Variants in WDR43 observed in about 807,000 individuals in gnomAD.
WDR43 encodes WD repeat-containing protein 43.
Under a neutral mutation model 91.4 loss-of-function variants are expected in WDR43, and 13 were observed. That is an observed-to-expected ratio of 0.14 (90% CI 0.09 to 0.23). The LOEUF is 0.23. WDR43 is among the 10% of genes least tolerant of loss of function. WDR43 has a pLI of 1.00. For missense variants in WDR43, 780 were observed against 809.4 expected, an observed-to-expected ratio of 0.96 and a Z score of 0.44; for synonymous variants, 331 against 287.9, an observed-to-expected ratio of 1.15 and a Z score of -1.51.
intron 11 of WDR43, among the ~76,000 whole-genome samples, chr2:28,932,787 T>A (rs1291032900): frequency 1.3e-5 from 2 of 152,230 alleles, no homozygotes; most frequent in Admixed American, 1.3e-4. Context: ...TGAATTAGTG[T>A]GTAGCTTATG....
chr2:28,926,064 G>T (rs1184887913), intron 8 of WDR43, among the ~76,000 whole-genome samples: 1 of 152,202 alleles, frequency 6.6e-6, no homozygotes, highest in Non-Finnish European at 1.5e-5. Context: ...CTTGCTTATG[G>T]AAAGGACAAT....
Position 28,946,912 on chromosome 2 carries a change from T to A in WDR43, c.*133T>A. The A allele has an allele frequency of 1.9e-6, 2 of 1,057,844 alleles. No individual in the cohort carries two copies. The highest frequency in any genetic ancestry group is 2.6e-6 in the Non-Finnish European group (2 of 755,370). The allele number at this position is 1,057,844 out of a possible 1,614,324, so 65.5% of individuals were successfully genotyped here. On this transcript the variant is annotated 3_prime_UTR_variant, in exon 18 of 18. Transcript: ENST00000407426. Reference sequence around the variant, plus strand: ...TCACAGCAGTGGATCCCATGCCACTTTGCTGTCCTGAGCACCCCAGACTTG... The same window carrying A: ...TCACAGCAGTGGATCCCATGCCACTATGCTGTCCTGAGCACCCCAGACTTG...
intron 5 of WDR43, among the ~76,000 whole-genome samples, chr2:28,917,383 C>T (rs1670931878): frequency 6.6e-6 from 1 of 152,106 alleles, no homozygotes; most frequent in Non-Finnish European, 1.5e-5. Flanking sequence ...TACTCAATAC[C>T]GTTATAATGT....
At chr2:28,926,154 A>G (rs1398067774) in intron 8 of WDR43, among the ~76,000 whole-genome samples, 1 of 152,214 alleles carries the variant, frequency 6.6e-6, no homozygotes, top group Non-Finnish European at 1.5e-5. Flanking sequence ...CGTTTTCTTT[A>G]AAACCTGTTA....
chr2:28,937,241 G>A (rs939521903), intron 13 of WDR43, among the ~76,000 whole-genome samples: 6 of 152,030 alleles, frequency 3.9e-5, no homozygotes, highest in African/African-American at 1.4e-4. Context: ...AGTACCTGCC[G>A]AACCTCTGAT....
Position 28,908,986 on chromosome 2 carries a change from T to A in WDR43, c.485+2405T>A, listed in dbSNP as rs182574983. Reference sequence around the variant, plus strand: ...CTTGGGGTTTATAATTGCTTGGTTTTCATTTCATTAGTTACTAGGTCATTC... The same window carrying A: ...CTTGGGGTTTATAATTGCTTGGTTTACATTTCATTAGTTACTAGGTCATTC... On this transcript the variant is annotated intron_variant, in intron 3 of 17. Transcript: ENST00000407426. Among the ~76,000 whole-genome samples the A allele has an allele frequency of 1.6e-4, 25 of 152,334 alleles. No homozygotes were observed. The East Asian group carries it at 4.2e-3, about 26-fold the overall frequency.
intron 5 of WDR43, among the ~76,000 whole-genome samples, chr2:28,916,144 A>T (rs537052286): frequency 6.6e-6 from 1 of 152,276 alleles, no homozygotes; most frequent in African/African-American, 2.4e-5. Context: ...GTGTTTCCTC[A>T]TGTCTTCTTG....
intron 6 of WDR43, among the ~76,000 whole-genome samples, chr2:28,920,784 C>T (rs1671010094): frequency 6.6e-6 from 1 of 151,948 alleles, no homozygotes; most frequent in Non-Finnish European, 1.5e-5. Flanking sequence ...TCGAGCATTT[C>T]TTCTGTCTCA....
chr2:28,914,479 T>G (rs1670870163), intron 5 of WDR43, among the ~76,000 whole-genome samples: 1 of 152,198 alleles, frequency 6.6e-6, no homozygotes, highest in East Asian at 1.9e-4. Context: ...TTTAAAAAAT[T>G]TAGAAAGACC....
chr2:28,938,339 C>T (rs1186934897), intron 14 of WDR43, among the ~76,000 whole-genome samples: 1 of 152,182 alleles, frequency 6.6e-6, no homozygotes, highest in African/African-American at 2.4e-5. Flanking sequence ...TTTATACATG[C>T]TAATGTGTCT....
At chr2:28,945,718 A>G (rs987670740) in intron 16 of WDR43, among the ~76,000 whole-genome samples, 3 of 152,216 alleles carry the variant, frequency 2.0e-5, no homozygotes, top group Non-Finnish European at 2.9e-5. Flanking sequence ...ATTGTGAGAT[A>G]TATCTTCCTT....
Position 28,929,564 on chromosome 2 carries a change from C to G in WDR43, c.1306-15C>G, listed in dbSNP as rs762802815. On this transcript the variant is annotated splice_polypyrimidine_tract_variant and intron_variant, in intron 10 of 17. Coordinates refer to ENST00000407426, the MANE Select transcript of WDR43 (RefSeq NM_015131.3). ...CTTGTCTGGTAACACATTAACAATCCTTTCTGTTCTGTAGGTTAGCATTGA... is the reference window on the plus strand; with the variant it reads ...CTTGTCTGGTAACACATTAACAATCGTTTCTGTTCTGTAGGTTAGCATTGA... 3 of 1,567,144 alleles carry G rather than the reference C, an allele frequency of 1.9e-6. No homozygotes were observed. Among genetic ancestry groups the G allele is most frequent in the Non-Finnish European group, 1.7e-6 (2 of 1,157,860 alleles).
At chr2:28,946,110 C>T (rs1044158398) in intron 16 of WDR43, among the ~76,000 whole-genome samples, 7 of 151,960 alleles carry the variant, frequency 4.6e-5, no homozygotes, top group Non-Finnish European at 7.4e-5. Flanking sequence ...CAGACGTGAG[C>T]GGATCCTTTG....
At chr2:28,941,948 TG>T (rs1048623658) in intron 15 of WDR43, among the ~76,000 whole-genome samples, 2 of 152,192 alleles carry the variant, frequency 1.3e-5, no homozygotes, top group African/African-American at 4.8e-5. Context: ...GTCTTTAACT[TG>T]GAAAGCTTAT....
intron 1 of WDR43, 192 bp downstream of exon 1, chr2:28,895,115 G>T (rs964679613): frequency 4.3e-6 from 2 of 470,394 alleles, no homozygotes; most frequent in Non-Finnish European, 6.7e-6. Context: ...GGCAGTGAGG[G>T]AGGGCGCAGC....
Position 28,899,328 on chromosome 2 carries a change from G to A in WDR43, c.226-2659G>A, listed in dbSNP as rs1046477936. On this transcript the variant is annotated intron_variant, in intron 1 of 17. Coordinates refer to ENST00000407426, the MANE Select transcript of WDR43 (RefSeq NM_015131.3). ...CCGTGTCTAATGCAGGGTATGACAT[G>A]TGTCTTAAGGGAAAGAAGTTTCCGT... Among the ~76,000 whole-genome samples, 6 of 152,190 alleles carry A rather than the reference G, an allele frequency of 3.9e-5. No individual in the cohort carries two copies. In the East Asian group the frequency reaches 7.7e-4, roughly 20 times the overall value.
intron 5 of WDR43, among the ~76,000 whole-genome samples, chr2:28,914,887 C>T (rs1670876683): frequency 6.6e-6 from 1 of 152,128 alleles, no homozygotes; most frequent in South Asian, 2.1e-4. Context: ...CGAGATCCCG[C>T]CACTGCACTC....
intron 3 of WDR43, among the ~76,000 whole-genome samples, chr2:28,908,838 A>G (rs1670733610): frequency 6.6e-6 from 1 of 152,120 alleles, no homozygotes; most frequent in East Asian, 1.9e-4. Context: ...TTCTCTCAAT[A>G]TTGTTGTATC....
chr2:28,933,855 T>C (rs1671292215), intron 11 of WDR43, among the ~76,000 whole-genome samples: 1 of 152,172 alleles, frequency 6.6e-6, no homozygotes, highest in Non-Finnish European at 1.5e-5. Flanking sequence ...TTGGTGAGGA[T>C]GTAGAGCAGC....
Sources: gnomAD v4.1 joint callset for allele counts (sites outside exome capture counted in the v4.1 genomes callset) on GRCh38, gnomAD v4.1.1 for gene constraint, MANE v1.5 for transcripts, NCBI Gene and HGNC (gene_info 2026-07-23, HGNC 2026-07-21) for gene names.